Variants in CCDC171 observed in about 807,000 individuals in gnomAD.
CCDC171 encodes the protein coiled-coil domain-containing protein 171.
In CCDC171, 177 loss-of-function variants were observed where a neutral mutation model predicts 168.2. That is an observed-to-expected ratio of 1.05 (90% CI 0.93 to 1.19). The LOEUF (loss-of-function observed/expected upper bound fraction) is 1.19. Ranked by LOEUF, CCDC171 falls within the 50% of genes most tolerant of loss-of-function variation. The pLI is 0.00. For missense variants in CCDC171, 1,991 were observed against 1,539.0 expected (o/e 1.29, Z -4.91); for synonymous variants, 687 against 540.8 (o/e 1.27, Z -3.75).
At chr9:15,897,880 A>G (rs774736155) in intron 24 of CCDC171, among the ~76,000 whole-genome samples, 49 of 152,212 alleles carry the variant, frequency 3.2e-4, no homozygotes, top group Non-Finnish European at 5.3e-4. Flanking sequence ...TTGAGTGAAC[A>G]TGGGCTTTGG....
chr9:15,772,975 A>G (rs1167724419), intron 18 of CCDC171, among the ~76,000 whole-genome samples: 1 of 152,048 alleles, frequency 6.6e-6, no homozygotes. Context: ...ACTCATTATT[A>G]ATATTATTAA....
At chr9:15,588,915 T>C (rs1295134430) in intron 4 of CCDC171, among the ~76,000 whole-genome samples, 4 of 152,028 alleles carry the variant, frequency 2.6e-5, no homozygotes, top group Non-Finnish European at 5.9e-5. Context: ...TTTCACCGTG[T>C]TAGCCAGGAT....
chr9:15,813,075 A>G (rs2059424671), intron 21 of CCDC171, among the ~76,000 whole-genome samples: 1 of 152,210 alleles, frequency 6.6e-6, no homozygotes, highest in East Asian at 1.9e-4. Context: ...TTGGTGGCCA[A>G]AAACGCAGCC....
At chr9:16,004,091 C>T (rs1029792287) in intron 3 of CCDC171, among the ~76,000 whole-genome samples, 2 of 152,156 alleles carry the variant, frequency 1.3e-5, no homozygotes, top group African/African-American at 2.4e-5. Flanking sequence ...GAAAGGAACA[C>T]GCGGGAGTTT....
intron 2 of CCDC171, among the ~76,000 whole-genome samples, chr9:15,567,820 AT>A (rs556136383): frequency 6.6e-6 from 1 of 151,348 alleles, no homozygotes; most frequent in South Asian, 2.1e-4. Flanking sequence ...TGGCTGGCCA[AT>A]TTTTTTTATT....
chr9:15,599,057 G>T (rs1013945679), intron 6 of CCDC171, among the ~76,000 whole-genome samples: 2 of 152,100 alleles, frequency 1.3e-5, no homozygotes, highest in Admixed American at 6.6e-5. Context: ...CATGTGAGAT[G>T]GGTCTCCTGA....
intron 11 of CCDC171, among the ~76,000 whole-genome samples, chr9:15,713,381 A>G (rs1392192928): frequency 1.3e-5 from 2 of 152,046 alleles, no homozygotes; most frequent in Non-Finnish European, 2.9e-5. Context: ...GTGTGGGTTA[A>G]GAGAGAGAAA....
At chr9:15,789,350 A>G (rs530787723) in intron 21 of CCDC171, among the ~76,000 whole-genome samples, 62 of 152,318 alleles carry the variant, frequency 4.1e-4, no homozygotes, top group Admixed American at 1.8e-3. Context: ...TGCTCAACCT[A>G]TACCAATATT....
At chr9:16,043,820 G>A (rs2133059875) in intron 1 of CCDC171, among the ~76,000 whole-genome samples, 1 of 152,288 alleles carries the variant, frequency 6.6e-6, no homozygotes, top group South Asian at 2.1e-4. Flanking sequence ...TCTTACTACA[G>A]GGCCCTTAGG....
chr9:16,077,011 A>T, the CCDC171 span, among the ~76,000 whole-genome samples: 66,798 of 151,992 alleles, frequency 0.44, 15,752 homozygotes, highest in African/African-American at 0.63. Context: ...CTCTTATGAT[A>T]TTTTGGAACT....
intron 6 of CCDC171, among the ~76,000 whole-genome samples, chr9:15,598,994 T>G (rs964257991): frequency 1.3e-5 from 2 of 152,140 alleles, no homozygotes; most frequent in African/African-American, 2.4e-5. Context: ...TGTTTTCCAT[T>G]TGCTTGGTGG....
intron 6 of CCDC171, among the ~76,000 whole-genome samples, chr9:15,613,585 C>T (rs868736124): frequency 4.0e-5 from 6 of 149,640 alleles, no homozygotes; most frequent in African/African-American, 7.4e-5. Flanking sequence ...TGCAGTGACA[C>T]GGTCTTGGCT....
intron 1 of CCDC171, among the ~76,000 whole-genome samples, chr9:15,562,961 C>T (rs1160376965): frequency 1.3e-5 from 2 of 151,904 alleles, no homozygotes; most frequent in Admixed American, 6.6e-5. Context: ...GACAGTTGAG[C>T]GTCTCTGAAT....
the CCDC171 span, among the ~76,000 whole-genome samples, chr9:16,076,827 T>C: frequency 6.6e-6 from 1 of 152,204 alleles, no homozygotes; most frequent in Admixed American, 6.5e-5. Flanking sequence ...TTAGGCTCCA[T>C]ATCGTGGGCC....
At chr9:15,602,249 A>T (rs1447028120) in intron 6 of CCDC171, among the ~76,000 whole-genome samples, 1 of 147,436 alleles carries the variant, frequency 6.8e-6, no homozygotes, top group Non-Finnish European at 1.5e-5. Context: ...TTTAAAAACA[A>T]CCTGAGGGAT....
Position 15,667,473 on chromosome 9 carries a change from C to G in CCDC171, c.1076+1150C>G, listed in dbSNP as rs2048815174. Among the ~76,000 whole-genome samples, 3 of 152,136 alleles carry G rather than the reference C, an allele frequency of 2.0e-5. No homozygotes were observed. In the South Asian group the frequency reaches 6.2e-4, roughly 32 times the overall value. ...CCAGCCTGGCTAACATGGTGAAACCCTGTCTCTACTAAAAATAAAAAAATT... is the reference window on the plus strand; with the variant it reads ...CCAGCCTGGCTAACATGGTGAAACCGTGTCTCTACTAAAAATAAAAAAATT... On this transcript the variant is annotated intron_variant, in intron 9 of 25. Coordinates refer to ENST00000380701, the MANE Select transcript of CCDC171 (RefSeq NM_173550.4).
intron 6 of CCDC171, among the ~76,000 whole-genome samples, chr9:16,023,814 C>G (rs369555018): frequency 1.1e-3 from 168 of 152,050 alleles, no homozygotes; most frequent in African/African-American, 3.8e-3. Flanking sequence ...TCAAATATGT[C>G]TATTTCAGAC....
intron 16 of CCDC171, among the ~76,000 whole-genome samples, chr9:15,738,648 A>G (rs563473674): frequency 6.6e-6 from 1 of 152,056 alleles, no homozygotes; most frequent in South Asian, 2.1e-4. Context: ...AATTTGCTCT[A>G]TAGCTGTTTC....
chr9:15,659,351 C>G (rs2048154917), intron 8 of CCDC171, among the ~76,000 whole-genome samples: 1 of 152,174 alleles, frequency 6.6e-6, no homozygotes, highest in Non-Finnish European at 1.5e-5. Context: ...ACAGTTATGA[C>G]TTTTCGCTTA....
Sources: allele counts gnomAD v4.1 joint callset (sites outside exome capture counted in the v4.1 genomes callset), GRCh38; gene constraint gnomAD v4.1.1; transcripts MANE v1.5; gene names NCBI Gene and HGNC (gene_info 2026-07-23, HGNC 2026-07-21).